SRSF3: variants seen among roughly 807,000 people sequenced by gnomAD.
SRSF3 encodes serine and arginine rich splicing factor 3, also known as serine/arginine-rich splicing factor 3.
For missense variants in SRSF3, 58 were observed against 217.1 expected (o/e 0.27, Z 4.61); for synonymous variants, 87 against 73.6 (o/e 1.18, Z -0.93).
At chr6:36,599,878 C>A in intron 3 of SRSF3, 1 of 1,352,154 alleles carries the variant, frequency 7.4e-7, no homozygotes, top group Non-Finnish European at 9.8e-7. Flanking sequence ...AGTCAACTAG[C>A]CCTTTCAGCG....
At position 36,605,172 on chromosome 6, in the gene SRSF3, T is replaced by G. The variant is rs1277479580; in HGVS notation, c.*3183T>G. The G allele has an allele frequency of 3.3e-5, 5 of 152,326 alleles. No homozygotes were observed. The highest frequency in any genetic ancestry group is 5.9e-5 in the Non-Finnish European group (4 of 68,026). The allele number at this position is 152,326 out of a possible 1,614,324, so 9.4% of individuals were successfully genotyped here. A position where few individuals can be genotyped will look rare whatever the true frequency, so the allele number is the denominator to read the frequency against. The stretch of plus-strand genomic sequence containing the variant: ...TGAAGATAATTCAGCTGTAGACCCC[T>G]TAAGGTTCTGAGACAAGGTCATTGA... On this transcript the variant is annotated 3_prime_UTR_variant, in exon 6 of 6. Transcript: ENST00000373715.
At chr6:36,597,730 C>A (rs930385425) in intron 2 of SRSF3, among the ~76,000 whole-genome samples, 5 of 151,472 alleles carry the variant, frequency 3.3e-5, no homozygotes, top group African/African-American at 1.2e-4. Flanking sequence ...CCCACCTCTT[C>A]CCAGTCACTC....
chr6:36,600,847 G>T, intron 3 of SRSF3: 1 of 249,384 alleles, frequency 4.0e-6, no homozygotes, highest in Non-Finnish European at 7.6e-6. Context: ...GTGGTGTTTG[G>T]GTAGTGAAGT....
chr6:36,597,846 T>A (rs1217479738), intron 2 of SRSF3, among the ~76,000 whole-genome samples: 3 of 151,718 alleles, frequency 2.0e-5, no homozygotes, highest in African/African-American at 4.8e-5. Flanking sequence ...ATTTCTTTTT[T>A]TAAAAAAATG....
At chr6:36,596,613 G>A in intron 1 of SRSF3, 148 bp from the exon 2 acceptor site, 1 of 596,900 alleles carries the variant, frequency 1.7e-6, no homozygotes, top group East Asian at 4.3e-5. Flanking sequence ...AACATTTCTT[G>A]TTTGGTTTCT....
chr6:36,597,880 TACAG>T (rs926830481), intron 2 of SRSF3, among the ~76,000 whole-genome samples: 13 of 151,268 alleles, frequency 8.6e-5, no homozygotes, highest in African/African-American at 3.2e-4. Flanking sequence ...TAAAAAATAA[TACAG>T]ACGACAGTCT....
At position 36,603,803 on chromosome 6, in the gene SRSF3, A is replaced by G. The variant is rs756576002; in HGVS notation, c.*1814A>G. Reference sequence around the variant, plus strand: ...GGAAGCCATGCAATATGTCAATTACATTGCTTTTTATAAATGGACAACTTA... The same window carrying G: ...GGAAGCCATGCAATATGTCAATTACGTTGCTTTTTATAAATGGACAACTTA... On this transcript the variant is annotated 3_prime_UTR_variant, in exon 6 of 6. Coordinates refer to ENST00000373715, the MANE Select transcript of SRSF3 (RefSeq NM_003017.5). 1 of 231,562 alleles carries G rather than the reference A, an allele frequency of 4.3e-6. No individual in the cohort carries two copies. Among genetic ancestry groups the G allele is most frequent in the Non-Finnish European group, 8.5e-6 (1 of 117,110 alleles). 14.3% of individuals were successfully genotyped at this position (231,562 alleles called of 1,614,324 possible). A position where few individuals can be genotyped will look rare whatever the true frequency, so the allele number is the denominator to read the frequency against.
rs1033467840 is a variant in SRSF3 at position 36,602,983 on chromosome 6, G to T, written c.*994G>T. ...TCCCATGGGAAGCAGTTGGTTACAC[G>T]ATTCTTATTTTATAAGAAACAGCTG... On this transcript the variant is annotated 3_prime_UTR_variant, in exon 6 of 6. Coordinates refer to ENST00000373715, the MANE Select transcript of SRSF3 (RefSeq NM_003017.5). 4.6e-6 allele frequency: 1 copy of T among 217,650 alleles called. No homozygotes were observed. 13.5% of individuals were successfully genotyped at this position (217,650 alleles called of 1,614,324 possible).
intron 2 of SRSF3, 198 bp downstream of exon 2, chr6:36,597,166 A>C (rs1486300673): frequency 1.7e-6 from 1 of 578,098 alleles, no homozygotes; most frequent in East Asian, 2.9e-5. Flanking sequence ...GTGCAGTGGT[A>C]CAGTCTCCCG....
chr6:36,601,002 T>A, intron 3 of SRSF3, 150 bp from the exon 4 acceptor site: 1 of 98,300 alleles, frequency 1.0e-5, no homozygotes, highest in Non-Finnish European at 1.7e-5. Context: ...CTTTTTTTTC[T>A]TTTTTTTTTT....
intron 4 of SRSF3, 153 bp from the exon 5 acceptor site, chr6:36,601,555 T>C (rs1451408003): frequency 2.8e-6 from 2 of 702,084 alleles, no homozygotes; most frequent in Non-Finnish European, 4.8e-6. Context: ...TGTTGTCCAA[T>C]CTGTTCTCAA....
rs767995074 is a variant in SRSF3 at position 36,598,885 on chromosome 6, G to A, written c.243G>A (p.Ser81=). 4.5e-5 allele frequency: 72 copies of A among 1,613,536 alleles called. No individual in the cohort carries two copies. The highest frequency in any genetic ancestry group is 3.7e-4 in the Admixed American group (22 of 59,976). Residue 81 remains serine (S), a synonymous_variant, in exon 3 of 6, where the codon TCG becomes TCA. Coordinates refer to ENST00000373715, the MANE Select transcript of SRSF3 (RefSeq NM_003017.5). ...GCTGCCGTGTAAGAGTGGAACTGTC[G>A]AATGGTGAAAAAAGAAGTAGAAATC... ...LCGCRVRVEL[S]NGEKRSRNRG...
At chr6:36,600,382 G>GGT (rs1378798179) in intron 3 of SRSF3, 16 of 659,824 alleles carry the variant, frequency 2.4e-5, no homozygotes, top group Non-Finnish European at 3.0e-5. Flanking sequence ...ATAATTGAAT[G>GGT]GTAACGTACA....
At chr6:36,597,243 C>CTGT in intron 2 of SRSF3, 1 of 469,440 alleles carries the variant, frequency 2.1e-6, no homozygotes, top group Admixed American at 3.9e-5. Flanking sequence ...GTAACTGGGA[C>CTGT]TACAGGCGTG....
At chr6:36,598,701 T>C (rs955950585) in intron 2 of SRSF3, 148 bp from the exon 3 acceptor site, 1 of 973,946 alleles carries the variant, frequency 1.0e-6, no homozygotes, top group Non-Finnish European at 1.5e-6. Flanking sequence ...TTTATATTAG[T>C]AAAAATAAGG....
At chr6:36,596,377 A>G (rs474004) in intron 1 of SRSF3, among the ~76,000 whole-genome samples, 1 of 152,052 alleles carries the variant, frequency 6.6e-6, no homozygotes, top group Non-Finnish European at 1.5e-5. Context: ...TGAGTCCCCA[A>G]CAGAATTCTC....
chr6:36,602,477 T>C lies in SRSF3; in HGVS notation c.*488T>C, dbSNP rs1778733424. On this transcript the variant is annotated 3_prime_UTR_variant, in exon 6 of 6. Transcript: ENST00000373715. ...AAATGCTGCACTATTAAATTAGAGG[T>C]TTTTGAAAAATCCAACTCTCATCCT... The C allele has an allele frequency of 4.5e-6, 1 of 224,502 alleles. No individual in the cohort carries two copies. Among genetic ancestry groups the C allele is most frequent in the Non-Finnish European group, 8.9e-6 (1 of 112,834 alleles). 13.9% of individuals were successfully genotyped at this position (224,502 alleles called of 1,614,324 possible).
In SRSF3 at chr6:36,601,218, T is replaced by G. The variant is rs1035925200; in HGVS notation, c.380+28T>G. On this transcript the variant is annotated intron_variant, in intron 4 of 5. Coordinates refer to ENST00000373715, the MANE Select transcript of SRSF3 (RefSeq NM_003017.5). ...AAATGACTACCTTTTTTGGCTACGT[T>G]CTTAGAAATGGCAGTGTTTCTGCTA... The G allele has an allele frequency of 2.5e-6, 4 of 1,612,678 alleles. No homozygotes were observed. The African/African-American group carries it at 4.0e-5, about 16-fold the overall frequency.
rs1480852833 is a variant in SRSF3, at chr6:36,603,432, CTTG to C, written c.*1445_*1447del. The C allele has an allele frequency of 3.6e-5, 8 of 223,954 alleles. No homozygotes were observed. Among genetic ancestry groups the C allele is most frequent in the Non-Finnish European group, 6.2e-5 (7 of 112,178 alleles). The allele number at this position is 223,954 out of a possible 1,614,324, so 13.9% of individuals were successfully genotyped here. A position where few individuals can be genotyped will look rare whatever the true frequency, so the allele number is the denominator to read the frequency against. On this transcript the variant is annotated 3_prime_UTR_variant, in exon 6 of 6. Transcript: ENST00000373715. ...TTAGATTAAATCATAATGCAACAGT[CTTG>C]TGGCTTAGTTTCCTTAAATATGCTC... is the stretch of plus-strand genomic sequence containing the variant.
Sources: allele counts gnomAD v4.1 joint callset (sites outside exome capture counted in the v4.1 genomes callset), GRCh38; gene constraint gnomAD v4.1.1; transcripts MANE v1.5; gene names NCBI Gene and HGNC (gene_info 2026-07-23, HGNC 2026-07-21).